Variants in LIPC observed in about 807,000 individuals in gnomAD.
The protein encoded by LIPC is hepatic triacylglycerol lipase.
LIPC carries 44 observed loss-of-function variants against 50.7 expected under a neutral mutation model. The ratio of observed to expected loss-of-function variants is 0.87; its 90% confidence interval spans 0.68 to 1.11. LIPC has a LOEUF of 1.11. Ranked by LOEUF, LIPC falls within the 50% of genes most tolerant of loss-of-function variation. The pLI is 0.00. For synonymous variants in LIPC, 271 were observed against 256.4 expected, an observed-to-expected ratio of 1.06 and a Z score of -0.54; for missense variants, 697 against 648.2, an observed-to-expected ratio of 1.08 and a Z score of -0.82.
intron 1 of LIPC, among the ~76,000 whole-genome samples, chr15:58,536,342 C>T (rs1178906695): frequency 6.6e-6 from 1 of 152,024 alleles, no homozygotes; most frequent in East Asian, 1.9e-4. Flanking sequence ...CAGGTGGTGG[C>T]CTTGGCTGCA....
intron 1 of LIPC, chr15:58,436,590 C>T (rs1463000477): frequency 9.0e-6 from 3 of 335,014 alleles, no homozygotes; most frequent in African/African-American, 6.5e-5. Context: ...ATACTTTTGT[C>T]TTATAGAGCA....
At chr15:58,436,040 A>G (rs1168229565) in intron 1 of LIPC, 1 of 152,246 alleles carries the variant, frequency 6.6e-6, no homozygotes, top group Admixed American at 6.5e-5. Flanking sequence ...CTTCAAATTC[A>G]TCACATCTTT....
chr15:58,475,980 G>A (rs1479852244), intron 1 of LIPC, among the ~76,000 whole-genome samples: 5 of 152,248 alleles, frequency 3.3e-5, no homozygotes, highest in East Asian at 3.8e-4. Flanking sequence ...CTGAACACAC[G>A]TTAGCAAGAA....
chr15:58,520,680 C>G (rs1169722180), intron 1 of LIPC, among the ~76,000 whole-genome samples: 1 of 152,144 alleles, frequency 6.6e-6, no homozygotes, highest in African/African-American at 2.4e-5. Flanking sequence ...GGTTGAGAGC[C>G]GCTGTATACC....
chr15:58,548,437 A>C lies in LIPC; in HGVS notation c.916A>C (p.Asn306His). ...CATGGCCTACCCGTGTGGTGACATGAACAGCTTCAGCCAGGGCCTGTGCCT... is the reference window on the plus strand; with the variant it reads ...CATGGCCTACCCGTGTGGTGACATGCACAGCTTCAGCCAGGGCCTGTGCCT... ...QSMAYPCGDM[N>H]SFSQGLCLSC... is the part of the protein sequence containing the mutation. The change falls in exon 6 of 9, where the codon AAC becomes CAC. Residue 306 changes from asparagine to histidine, a missense_variant. Asn to His is a moderately conservative substitution (Grantham distance 68, BLOSUM62 1). Transcript: ENST00000299022. The C allele has an allele frequency of 6.2e-7, 1 of 1,613,952 alleles. No homozygotes were observed. Among genetic ancestry groups the C allele is most frequent in the Non-Finnish European group, 8.5e-7 (1 of 1,179,966 alleles).
intron 1 of LIPC, among the ~76,000 whole-genome samples, chr15:58,535,086 T>C (rs1893071135): frequency 6.6e-6 from 1 of 152,204 alleles, no homozygotes; most frequent in African/African-American, 2.4e-5. Context: ...TATGAGCTCT[T>C]AAAGAGTCTT....
chr15:58,452,957 T>G (rs1194006017), intron 1 of LIPC, among the ~76,000 whole-genome samples: 1 of 152,192 alleles, frequency 6.6e-6, no homozygotes, highest in Non-Finnish European at 1.5e-5. Context: ...CTGAGGGCCC[T>G]ATCGGTGTGA....
chr15:58,490,492 C>A (rs1424924436), intron 1 of LIPC, among the ~76,000 whole-genome samples: 2 of 152,194 alleles, frequency 1.3e-5, no homozygotes, highest in African/African-American at 2.4e-5. Flanking sequence ...GAGCCGGCGC[C>A]GTTCGCGGGA....
At chr15:58,535,465 T>G (rs1252733532) in intron 1 of LIPC, among the ~76,000 whole-genome samples, 1 of 152,216 alleles carries the variant, frequency 6.6e-6, no homozygotes, top group African/African-American at 2.4e-5. Flanking sequence ...TCCAGTTGTT[T>G]GTGGGGCTTT....
chr15:58,442,508 T>C (rs193176642), intron 1 of LIPC, among the ~76,000 whole-genome samples: 46 of 152,296 alleles, frequency 3.0e-4, no homozygotes, highest in African/African-American at 9.4e-4. Context: ...ACAATGAAAA[T>C]AGGTATTTGA....
At chr15:58,460,277 G>A (rs1894294398) in intron 1 of LIPC, among the ~76,000 whole-genome samples, 1 of 152,232 alleles carries the variant, frequency 6.6e-6, no homozygotes, top group African/African-American at 2.4e-5. Context: ...CTCTGCAGGA[G>A]AAGCAGTGAG....
chr15:58,568,574 A>C (rs1894461072), intron 8 of LIPC, 142 bp from the exon 9 acceptor site: 1 of 657,284 alleles, frequency 1.5e-6, no homozygotes, highest in Non-Finnish European at 2.7e-6. Flanking sequence ...AGTTACAAAA[A>C]TATTTGCGAA....
At chr15:58,446,339 T>A (rs1374701300) in intron 1 of LIPC, among the ~76,000 whole-genome samples, 1 of 152,196 alleles carries the variant, frequency 6.6e-6, no homozygotes, top group Non-Finnish European at 1.5e-5. Context: ...GTAGCTGGAA[T>A]GAATGCCTCT....
chr15:58,462,192 A>G (rs1344465160), intron 1 of LIPC, among the ~76,000 whole-genome samples: 1 of 152,020 alleles, frequency 6.6e-6, no homozygotes, highest in Non-Finnish European at 1.5e-5. Flanking sequence ...CACCTTCCCT[A>G]TAGGATCGTG....
At chr15:58,566,287 G>T in intron 8 of LIPC, 1 of 985,462 alleles carries the variant, frequency 1.0e-6, no homozygotes, top group Non-Finnish European at 1.2e-6. Flanking sequence ...TGTTCCCAGG[G>T]AGACAGGCAG....
chr15:58,475,811 G>A (rs1355572382), intron 1 of LIPC, among the ~76,000 whole-genome samples: 2 of 152,160 alleles, frequency 1.3e-5, no homozygotes, highest in East Asian at 1.9e-4. Flanking sequence ...GTCCAGACTT[G>A]GGCAGACTTA....
intron 1 of LIPC, chr15:58,436,458 C>A: frequency 4.0e-6 from 1 of 250,606 alleles, no homozygotes; most frequent in Non-Finnish European, 8.0e-6. Context: ...ATTTTTACTG[C>A]ATTTGAATAT....
chr15:58,537,258 C>T (rs1297721074), intron 1 of LIPC, among the ~76,000 whole-genome samples: 2 of 152,218 alleles, frequency 1.3e-5, no homozygotes, highest in African/African-American at 4.8e-5. Flanking sequence ...TGGTGCAGCA[C>T]CACAGACAGG....
At chr15:58,496,742 T>A (rs961657121) in intron 1 of LIPC, among the ~76,000 whole-genome samples, 2 of 10,108 alleles carry the variant, frequency 2.0e-4, no homozygotes, top group African/African-American at 2.5e-4. Flanking sequence ...GTCTTCCCCC[T>A]CAAAAAAAAA....
Sources: gnomAD v4.1 joint callset for allele counts (sites outside exome capture counted in the v4.1 genomes callset) on GRCh38, gnomAD v4.1.1 for gene constraint, MANE v1.5 for transcripts, NCBI Gene and HGNC (gene_info 2026-07-23, HGNC 2026-07-21) for gene names.